The following UFM1 variants were observed in gnomAD, a reference collection of about 807,000 sequenced individuals.
UFM1 encodes ubiquitin-fold modifier 1.
A neutral mutation model predicts 15.4 loss-of-function variants in UFM1; 9 were observed. The observed-to-expected ratio is 0.59, with a 90% CI of 0.35 to 1.02. The LOEUF (loss-of-function observed/expected upper bound fraction) is 1.02. Among genes scored for constraint, UFM1 ranks in the 50% least tolerant of loss-of-function variants. The probability of loss-of-function intolerance (pLI) is 0.02; values close to 1 mark genes in which losing one functional copy is unlikely to be tolerated. For synonymous variants in UFM1, 27 were observed against 36.3 expected (o/e 0.74, Z 0.92); for missense variants, 98 against 104.7 (o/e 0.94, Z 0.28).
At chr13:38,358,201 A>G (rs1879208684) in intron 4 of UFM1, 69 bp downstream of exon 4, 3 of 1,001,778 alleles carry the variant, frequency 3.0e-6, no homozygotes, top group Non-Finnish European at 2.8e-6. Flanking sequence ...AACCAAATTA[A>G]TTAAAATTAA....
At position 38,359,644 on chromosome 13, in the gene UFM1, C is replaced by A. The variant is rs78453332; in HGVS notation, c.190+311C>A. The A allele has an allele frequency of 1.1e-4, 23 of 205,952 alleles. No individual in the cohort carries two copies. In the East Asian group the frequency reaches 2.5e-3, roughly 22 times the overall value. The allele number at this position is 205,952 out of a possible 1,614,324, so 12.8% of individuals were successfully genotyped here. On this transcript the variant is annotated intron_variant, in intron 5 of 5. Coordinates refer to ENST00000239878, the MANE Select transcript of UFM1 (RefSeq NM_016617.4). ...AATTGGAGTATTTTTTGACCTACCT[C>A]TTAAGGTAGTTGTGAGATAGTGACT...
intron 3 of UFM1, 131 bp from the exon 4 acceptor site, chr13:38,357,962 T>C (rs1438618810): frequency 7.3e-6 from 3 of 410,272 alleles, no homozygotes; most frequent in Non-Finnish European, 1.2e-5. Context: ...GTTTCACTTA[T>C]TCTAAAAGAT....
rs978060165 is a variant in UFM1, at chr13:38,357,688, C to T, written c.118-405C>T. On this transcript the variant is annotated intron_variant, in intron 3 of 5. Coordinates refer to ENST00000239878, the MANE Select transcript of UFM1 (RefSeq NM_016617.4). Reference sequence around the variant, plus strand: ...AAGCCTTACTGATAACACAGACAGGCGATTAATATGTATTTTGTTATGTGT... The same window carrying T: ...AAGCCTTACTGATAACACAGACAGGTGATTAATATGTATTTTGTTATGTGT... Among the ~76,000 whole-genome samples, 17 of 151,444 alleles carry T rather than the reference C, an allele frequency of 1.1e-4. 1 individual carries two copies. Among genetic ancestry groups the T allele is most frequent in the Admixed American group, 8.6e-4 (13 of 15,194 alleles).
chr13:38,355,520 C>T (rs1359575855), intron 3 of UFM1, among the ~76,000 whole-genome samples: 1 of 151,818 alleles, frequency 6.6e-6, no homozygotes, highest in Non-Finnish European at 1.5e-5. Flanking sequence ...TTTTTAGTTA[C>T]TCATTGTGTG....
rs1449367468 is a variant in UFM1 at position 38,353,515 on chromosome 13, T to C, written c.60-724T>C. ...TTTTTTATTGGAAAGTTCATACAGA[T>C]TGACCCTGGGACTAAGTCATTAAGA... On this transcript the variant is annotated intron_variant, in intron 2 of 5. Transcript: ENST00000239878. Among the ~76,000 whole-genome samples, 8 of 152,212 alleles carry C rather than the reference T, an allele frequency of 5.3e-5. No homozygotes were observed. In the South Asian group the frequency reaches 1.5e-3, roughly 28 times the overall value.
At chr13:38,354,076 ATTATT>A (rs1878978703) in intron 2 of UFM1, among the ~76,000 whole-genome samples, 158 bp from the exon 3 acceptor site, 2 of 152,188 alleles carry the variant, frequency 1.3e-5, no homozygotes, top group South Asian at 4.1e-4. Context: ...TATTATTATT[ATTATT>A]TTGAGTTAAA....
At position 38,358,096 on chromosome 13, in the gene UFM1, A is replaced by G; in HGVS notation, c.121A>G (p.Lys41Glu). ...AVLKFAAEEF[K>E]VPAATSAIIT... Reference sequence around the variant, plus strand: ...ATTTTTTTTTCCTTCTATTTAGTTTAAAGTTCCTGCTGCAACAAGTGCAAT... The same window carrying G: ...ATTTTTTTTTCCTTCTATTTAGTTTGAAGTTCCTGCTGCAACAAGTGCAAT... Residue 41 changes from lysine to glutamate, a missense_variant, in exon 4 of 6, where the codon AAA (lysine) becomes GAA (glutamate). Physicochemically the swap from Lys to Glu is moderately conservative, Grantham distance 56. Coordinates refer to ENST00000239878, the MANE Select transcript of UFM1 (RefSeq NM_016617.4). 7.1e-7 allele frequency: 1 copy of G among 1,412,942 alleles called. No individual in the cohort carries two copies. Among genetic ancestry groups the G allele is most frequent in the South Asian group, 1.5e-5 (1 of 65,750 alleles). 87.5% of individuals were successfully genotyped at this position (1,412,942 alleles called of 1,614,324 possible).
rs1051994726 is a variant in UFM1 at position 38,349,915 on chromosome 13, C to G, written c.-5C>G. 2 of 1,614,036 alleles carry G rather than the reference C, an allele frequency of 1.2e-6. No homozygotes were observed. Among genetic ancestry groups the G allele is most frequent in the Non-Finnish European group, 8.5e-7 (1 of 1,180,044 alleles). On this transcript the variant is annotated 5_prime_UTR_variant, in exon 1 of 6. Coordinates refer to ENST00000239878, the MANE Select transcript of UFM1 (RefSeq NM_016617.4). ...CGTGTGTTCTGGATTCATTCCGGCACCACCATGTAAGTGTTTGCTTACCGA... is the reference window on the plus strand; with the variant it reads ...CGTGTGTTCTGGATTCATTCCGGCAGCACCATGTAAGTGTTTGCTTACCGA...
chr13:38,350,369 A>G, intron 2 of UFM1: 2 of 881,560 alleles, frequency 2.3e-6, no homozygotes, highest in Non-Finnish European at 3.5e-6. Flanking sequence ...GGTTCTGGTA[A>G]TTTGTTGGGA....
chr13:38,349,856 A>T lies in UFM1; in HGVS notation c.-64A>T. ...AGTGGAGCGGGGCGGTCCCCAGCACACTAGAGGAAGTCGTGCTACCCCCGC... is the reference window on the plus strand; with the variant it reads ...AGTGGAGCGGGGCGGTCCCCAGCACTCTAGAGGAAGTCGTGCTACCCCCGC... On this transcript the variant is annotated 5_prime_UTR_variant, in exon 1 of 6. Transcript: ENST00000239878. The T allele has an allele frequency of 6.2e-7, 1 of 1,613,576 alleles. No homozygotes were observed. The highest frequency in any genetic ancestry group is 8.5e-7 in the Non-Finnish European group (1 of 1,179,594).
intron 2 of UFM1, among the ~76,000 whole-genome samples, chr13:38,351,075 A>AT (rs1328719223): frequency 2.6e-5 from 4 of 152,122 alleles, no homozygotes; most frequent in Admixed American, 2.0e-4. Flanking sequence ...AATCACAGTG[A>AT]TTTTTTATCT....
chr13:38,353,380 T>C (rs1878950745), intron 2 of UFM1, among the ~76,000 whole-genome samples: 1 of 152,174 alleles, frequency 6.6e-6, no homozygotes, highest in African/African-American at 2.4e-5. Flanking sequence ...TTTTCACTCA[T>C]TGTAATTTAT....
At chr13:38,358,367 G>A (rs1879217824) in intron 4 of UFM1, among the ~76,000 whole-genome samples, 2 of 149,174 alleles carry the variant, frequency 1.3e-5, no homozygotes, top group African/African-American at 4.9e-5. Context: ...GTCCTTACCA[G>A]TTCATGCCAG....
chr13:38,358,095 T>G lies in UFM1; in HGVS notation c.120T>G (p.Phe40Leu), dbSNP rs761221468. 2 of 1,429,016 alleles carry G rather than the reference T, an allele frequency of 1.4e-6. No homozygotes were observed. Among genetic ancestry groups the G allele is most frequent in the African/African-American group, 1.5e-5 (1 of 67,926 alleles). The allele number at this position is 1,429,016 out of a possible 1,614,324, so 88.5% of individuals were successfully genotyped here. A position where few individuals can be genotyped will look rare whatever the true frequency, so the allele number is the denominator to read the frequency against. Reference sequence around the variant, plus strand: ...TATTTTTTTTTCCTTCTATTTAGTTTAAAGTTCCTGCTGCAACAAGTGCAA... The same window carrying G: ...TATTTTTTTTTCCTTCTATTTAGTTGAAAGTTCCTGCTGCAACAAGTGCAA... ...TAVLKFAAEE[F>L]KVPAATSAII... The change falls in exon 4 of 6, where the codon TTT becomes TTG. Residue 40 changes from phenylalanine (F) to leucine (L), a missense_variant and splice_region_variant. Phe to Leu is a conservative substitution (Grantham distance 22, BLOSUM62 0). Transcript: ENST00000239878.
rs2231336 is a variant in UFM1, at chr13:38,360,931, T to C, written c.*153T>C. On this transcript the variant is annotated 3_prime_UTR_variant, in exon 6 of 6. Coordinates refer to ENST00000239878, the MANE Select transcript of UFM1 (RefSeq NM_016617.4). ...CTCATCTGTCCCTTTTTGTTGTCCA[T>C]ACTCTTCCTATGAAGAGGGAATGCG... 5.2e-3 allele frequency: 3,037 copies of C among 578,780 alleles called. 30 individuals are homozygous for C. Among genetic ancestry groups the C allele is most frequent in the African/African-American group, 0.026 (1,364 of 52,952 alleles). The allele number at this position is 578,780 out of a possible 1,614,324, so 35.9% of individuals were successfully genotyped here.
intron 3 of UFM1, 54 bp from the exon 4 acceptor site, chr13:38,358,039 G>T (rs201858867): frequency 1.4e-5 from 2 of 142,526 alleles, no homozygotes; most frequent in Admixed American, 1.1e-4. Context: ...TTATAGTTTT[G>T]TGTGTGTGTG....
intron 2 of UFM1, among the ~76,000 whole-genome samples, chr13:38,350,710 CTT>C (rs1021986372): frequency 6.6e-6 from 1 of 152,290 alleles, no homozygotes; most frequent in African/African-American, 2.4e-5. Context: ...AGTAAACACT[CTT>C]GAGGTTATTG....
chr13:38,356,370 CTTA>C (rs1879095916), intron 3 of UFM1, among the ~76,000 whole-genome samples: 1 of 151,724 alleles, frequency 6.6e-6, no homozygotes, highest in African/African-American at 2.4e-5. Context: ...TGATCAAATT[CTTA>C]TTGAGATTAC....
At chr13:38,354,378 T>A (rs1879002666) in intron 3 of UFM1, 82 bp downstream of exon 3, 1 of 1,236,774 alleles carries the variant, frequency 8.1e-7, no homozygotes, top group Admixed American at 2.0e-5. Context: ...GCATGCACTT[T>A]GACCCATCAT....
Sources: gnomAD v4.1 joint callset for allele counts (sites outside exome capture counted in the v4.1 genomes callset) on GRCh38, gnomAD v4.1.1 for gene constraint, MANE v1.5 for transcripts, NCBI Gene and HGNC (gene_info 2026-07-23, HGNC 2026-07-21) for gene names.